TEX14: variants seen among roughly 807,000 people sequenced by gnomAD.
TEX14 encodes testis expressed 14, intercellular bridge forming factor.
A neutral mutation model predicts 178.6 loss-of-function variants in TEX14; 168 were observed. The observed-to-expected ratio is 0.94, with a 90% CI of 0.83 to 1.07. The LOEUF is 1.07. Among genes scored for constraint, TEX14 ranks in the 50% least tolerant of loss-of-function variants. TEX14 has a pLI of 0.00. For synonymous variants in TEX14, 626 were observed against 634.1 expected, an observed-to-expected ratio of 0.99 and a Z score of 0.19; for missense variants, 1,730 against 1,753.6, an observed-to-expected ratio of 0.99 and a Z score of 0.24.
In TEX14 at chr17:58,602,493, G is replaced by A. The variant is rs2045478050; in HGVS notation, c.1434C>T (p.Tyr478=). The change falls in exon 12 of 32, where the codon TAC becomes TAT. Residue 478 remains tyrosine, a synonymous_variant. Coordinates refer to ENST00000349033, the MANE Select transcript of TEX14 (RefSeq NM_031272.5). ...GGATGCCTGACTTAACAATATCATA[G>A]TAAGGTTTCGGAAGCCTGACATCAG... ...LEADVRLPKP[Y]YDIVKSGIHV... is the part of the protein sequence containing the mutation. The A allele has an allele frequency of 6.2e-7, 1 of 1,613,864 alleles. No homozygotes were observed. The highest frequency in any genetic ancestry group is 1.3e-5 in the African/African-American group (1 of 74,858).
chr17:58,618,819 G>A (rs1275098753), intron 5 of TEX14, among the ~76,000 whole-genome samples: 1 of 152,184 alleles, frequency 6.6e-6, no homozygotes, highest in Non-Finnish European at 1.5e-5. Flanking sequence ...TGCTATTGAG[G>A]AGAAGACTCT....
At chr17:58,602,335 C>G in intron 12 of TEX14, 65 bp downstream of exon 12, 1 of 1,458,816 alleles carries the variant, frequency 6.9e-7, no homozygotes, top group African/African-American at 1.4e-5. Context: ...TTCATCTTGT[C>G]TCTAACTCCC....
At chr17:58,636,503 CAAG>C (rs779598447) in intron 2 of TEX14, among the ~76,000 whole-genome samples, 2 of 152,166 alleles carry the variant, frequency 1.3e-5, no homozygotes, top group Non-Finnish European at 2.9e-5. Context: ...CACAACTGTA[CAAG>C]AAGAAGAAAC....
chr17:58,615,289 GGGTGGGTGGGGAGATTCA>G lies in TEX14; in HGVS notation c.806_823del (p.Leu269_His274del). On this transcript the variant is annotated inframe_deletion, in exon 8 of 32. Coordinates refer to ENST00000349033, the MANE Select transcript of TEX14 (RefSeq NM_031272.5). ...GGCCAGCCGCAGCCTGCTGCAGTGT[GGGTGGGTGGGGAGATTCA>G]GCTCTTTCACTGTGACCCTGCTCCC... 6.2e-7 allele frequency: 1 copy of G among 1,611,854 alleles called. No homozygotes were observed. The highest frequency in any genetic ancestry group is 8.5e-7 in the Non-Finnish European group (1 of 1,178,250).
intron 26 of TEX14, among the ~76,000 whole-genome samples, chr17:58,567,182 G>T (rs887659735): frequency 6.6e-6 from 1 of 152,142 alleles, no homozygotes; most frequent in Non-Finnish European, 1.5e-5. Flanking sequence ...AAGGAAAAAG[G>T]AAAGGAAAGG....
chr17:58,628,374 C>T (rs536679422), intron 3 of TEX14, among the ~76,000 whole-genome samples: 2 of 150,084 alleles, frequency 1.3e-5, no homozygotes, highest in African/African-American at 2.5e-5. Context: ...GTCAAGAGTT[C>T]GAGACCAGCC....
rs1170283635 is a variant in TEX14, at chr17:58,671,741, T to C, written c.-1-19739A>G. On this transcript the variant is annotated intron_variant, in intron 1 of 31. Transcript: ENST00000349033. ...TAGATCAGAAATATATTTTAAAAAC[T>C]CGTTTTCTTGTTCTATTTTCTCACC... is the stretch of plus-strand genomic sequence containing the variant. Among the ~76,000 whole-genome samples, 3 of 152,176 alleles carry C rather than the reference T, an allele frequency of 2.0e-5. No individual in the cohort carries two copies. The East Asian group carries it at 5.8e-4, about 29-fold the overall frequency.
chr17:58,608,448 G>A (rs984092603), intron 10 of TEX14, among the ~76,000 whole-genome samples: 1 of 151,308 alleles, frequency 6.6e-6, no homozygotes, highest in Non-Finnish European at 1.5e-5. Context: ...TGGATGTGGT[G>A]GCATGTGCCT....
At chr17:58,643,568 GAA>G (rs59425651) in intron 2 of TEX14, among the ~76,000 whole-genome samples, 3 of 149,296 alleles carry the variant, frequency 2.0e-5, no homozygotes, top group African/African-American at 4.9e-5. Flanking sequence ...TCTCAAAAAT[GAA>G]AAAAAAAAGT....
At chr17:58,659,237 G>C (rs71372848) in intron 1 of TEX14, 175,642 of 558,236 alleles carry the variant, frequency 0.31, 29,757 homozygotes, top group Middle Eastern at 0.36. Flanking sequence ...CAAACACATA[G>C]TAAAAACCCT....
At position 58,582,566 on chromosome 17, in the gene TEX14, C is replaced by CT. The variant is rs74540002; in HGVS notation, c.3171+1933dup. 3.0e-3 allele frequency among the ~76,000 whole-genome samples: 383 copies of CT among 129,282 alleles called. 3 individuals are homozygous for CT. Among genetic ancestry groups the CT allele is most frequent in the Middle Eastern group, 0.014 (3 of 210 alleles). The allele number at this position is 129,282 out of a possible 152,430, so 84.8% of individuals were successfully genotyped here. The stretch of plus-strand genomic sequence containing the variant: ...GCCACCACACCCGGCCTGCAAATTT[C>CT]TTTTTTTTTTTTTTTGAGACAGAGT... On this transcript the variant is annotated intron_variant, in intron 19 of 31. Coordinates refer to ENST00000349033, the MANE Select transcript of TEX14 (RefSeq NM_031272.5).
intron 28 of TEX14, among the ~76,000 whole-genome samples, chr17:58,562,566 A>C (rs955196686): frequency 1.6e-4 from 24 of 151,886 alleles, no homozygotes. Context: ...GTGCAGCGGC[A>C]CCATCTCAGC....
At position 58,585,610 on chromosome 17, in the gene TEX14, G is replaced by GTT. The variant is rs879707841; in HGVS notation, c.3070+189_3070+190dup. Among the ~76,000 whole-genome samples the GTT allele has an allele frequency of 7.7e-4, 64 of 83,062 alleles. 5 individuals are homozygous for GTT. The highest frequency in any genetic ancestry group is 1.1e-3 in the Non-Finnish European group (46 of 41,924). 54.5% of individuals were successfully genotyped at this position (83,062 alleles called of 152,430 possible). On this transcript the variant is annotated intron_variant, in intron 18 of 31. Transcript: ENST00000349033. ...GCGTGTGCCACCACGCCCAGCTAAT[G>GTT]TTTTTTTTTTTTTTTTTTTTTTTTT... is the stretch of plus-strand genomic sequence containing the variant.
In TEX14 at chr17:58,561,555, G is replaced by A. The variant is rs140377983; in HGVS notation, c.4122C>T (p.Ser1374=). 7.9e-5 allele frequency: 128 copies of A among 1,613,814 alleles called. No homozygotes were observed. In the African/African-American group the frequency reaches 1.2e-3, roughly 15 times the overall value. ...LERWLQPPEE[S]VELQDLPKGS... is the part of the protein sequence containing the mutation. ...CCTTGGGAAGGTCTTGTAGCTCCAC[G>A]CTCTCCTCAGGTGGCTGCAGCCATC... The change falls in exon 29 of 32, where the codon AGC becomes AGT. Residue 1374 remains serine (S), a synonymous_variant. Coordinates refer to ENST00000349033, the MANE Select transcript of TEX14 (RefSeq NM_031272.5).
chr17:58,678,164 A>T (rs1029360712), intron 1 of TEX14, among the ~76,000 whole-genome samples: 31 of 152,128 alleles, frequency 2.0e-4, no homozygotes, highest in African/African-American at 7.5e-4. Context: ...GGGAAAAAAA[A>T]GGGAAGTTTT....
chr17:58,566,560 A>G (rs2044402600), intron 26 of TEX14, among the ~76,000 whole-genome samples: 1 of 152,174 alleles, frequency 6.6e-6, no homozygotes, highest in South Asian at 2.1e-4. Context: ...GCATTTTGGG[A>G]GGCCGAGGCA....
intron 19 of TEX14, 146 bp downstream of exon 19, chr17:58,584,354 A>T (rs529722509): frequency 5.1e-4 from 314 of 613,840 alleles, no homozygotes; most frequent in Non-Finnish European, 7.6e-4. Context: ...AGATTATTTT[A>T]TTCATGTCAG....
At chr17:58,577,505 T>C (rs1333045861) in intron 20 of TEX14, 49 bp from the exon 21 acceptor site, 3 of 685,146 alleles carry the variant, frequency 4.4e-6, no homozygotes, top group Admixed American at 3.8e-5. Flanking sequence ...TTTTACTGAA[T>C]CTTTGTCAAC....
Position 58,650,272 on chromosome 17 carries a change from C to T in TEX14, c.136+1594G>A, listed in dbSNP as rs886898519. ...TTCACCATGTTGGCCAGGCAGGTCT[C>T]GAATCCTGACCTCAGATGATCCACC... On this transcript the variant is annotated intron_variant, in intron 2 of 31. Coordinates refer to ENST00000349033, the MANE Select transcript of TEX14 (RefSeq NM_031272.5). 5.3e-5 allele frequency among the ~76,000 whole-genome samples: 8 copies of T among 151,938 alleles called. No individual in the cohort carries two copies. In the East Asian group the frequency reaches 1.4e-3, roughly 26 times the overall value.
Sources: gnomAD v4.1 joint callset for allele counts (sites outside exome capture counted in the v4.1 genomes callset) on GRCh38, gnomAD v4.1.1 for gene constraint, MANE v1.5 for transcripts, NCBI Gene and HGNC (gene_info 2026-07-23, HGNC 2026-07-21) for gene names.